BDNF: variants seen among roughly 807,000 people sequenced by gnomAD.
BDNF encodes the protein neurotrophic factor BDNF precursor form.
In BDNF, 1 loss-of-function variant was observed where a neutral mutation model predicts 19.5. The observed-to-expected ratio is 0.05, with a 90% CI of 0.02 to 0.24. The LOEUF (loss-of-function observed/expected upper bound fraction) is 0.24. Ranked by LOEUF, BDNF falls within the 10% of genes least tolerant of loss-of-function variation. The pLI, the probability that BDNF is intolerant of heterozygous loss-of-function variation, is 1.00. For synonymous variants in BDNF, 100 were observed against 121.6 expected, an observed-to-expected ratio of 0.82 and a Z score of 1.17; for missense variants, 195 against 317.6, an observed-to-expected ratio of 0.61 and a Z score of 2.93.
chr11:27,719,772 AG>A (rs1417432557), intron 1 of BDNF: 1 of 60,656 alleles, frequency 1.6e-5, no homozygotes, highest in Non-Finnish European at 3.3e-5. Context: ...GGAGGGAGGG[AG>A]GGGGAAAGAG....
rs1859759499 is a variant in BDNF at position 27,700,329 on chromosome 11, G to T, written c.-187C>A. ...AGCCCCCCGAGCAGGAGGTGGAGGG[G>T]CGCACCGGGCTGGCTCCTCTGTCCG... On this transcript the variant is annotated 5_prime_UTR_variant, in exon 1 of 2. Coordinates refer to ENST00000356660, the MANE Select transcript of BDNF (RefSeq NM_001709.5). 3.2e-5 allele frequency: 32 copies of T among 985,224 alleles called. No individual in the cohort carries two copies. The highest frequency in any genetic ancestry group is 3.7e-5 in the Non-Finnish European group (31 of 829,968). The allele number at this position is 985,224 out of a possible 1,614,324, so 61.0% of individuals were successfully genotyped here.
At chr11:27,694,337 T>C (rs1010405514) in intron 1 of BDNF, among the ~76,000 whole-genome samples, 23 of 152,188 alleles carry the variant, frequency 1.5e-4, no homozygotes, top group Non-Finnish European at 1.8e-4. Context: ...TTATTAAACC[T>C]TTTCCTCCAA....
At chr11:27,720,045 C>T (rs1262030264) in intron 1 of BDNF, among the ~76,000 whole-genome samples, 1 of 151,884 alleles carries the variant, frequency 6.6e-6, no homozygotes, top group African/African-American at 2.4e-5. Flanking sequence ...GCAAAGAGAA[C>T]GGAAAAGAGG....
At chr11:27,699,557 C>G in intron 1 of BDNF, 1 of 1,548,722 alleles carries the variant, frequency 6.5e-7, no homozygotes, top group Non-Finnish European at 8.7e-7. Flanking sequence ...TGTCGCAGAC[C>G]CTTTCAGTTC....
upstream of BDNF, chr11:27,700,539 C>T: frequency 1.4e-6 from 1 of 734,854 alleles, no homozygotes; most frequent in Non-Finnish European, 1.6e-6. Context: ...CCCCCGCCCC[C>T]CGCCCCCCGC....
chr11:27,673,338 G>T (rs943415891), intron 1 of BDNF, among the ~76,000 whole-genome samples: 23 of 152,014 alleles, frequency 1.5e-4, no homozygotes, highest in African/African-American at 5.3e-4. Context: ...AAGGATAAAG[G>T]GAATCCCCCT....
At chr11:27,687,879 C>T (rs540216955) in intron 1 of BDNF, among the ~76,000 whole-genome samples, 34 of 152,310 alleles carry the variant, frequency 2.2e-4, no homozygotes, top group African/African-American at 7.0e-4. Flanking sequence ...TCAGGAATCA[C>T]GAGGGTCAGG....
chr11:27,667,938 C>T (rs1174032724), intron 1 of BDNF, among the ~76,000 whole-genome samples: 2 of 152,242 alleles, frequency 1.3e-5, no homozygotes, highest in Non-Finnish European at 2.9e-5. Flanking sequence ...CTACAGAACT[C>T]TCCACTCCAA....
intron 1 of BDNF, among the ~76,000 whole-genome samples, chr11:27,716,120 G>A (rs1023490748): frequency 3.3e-5 from 5 of 152,020 alleles, no homozygotes; most frequent in Admixed American, 6.6e-5. Context: ...TATGAAACAC[G>A]TGTATCTTTC....
rs148736382 is a variant in BDNF at position 27,658,244 on chromosome 11, G to C, written c.321C>G (p.Leu107=). 201 of 1,613,960 alleles carry C rather than the reference G, an allele frequency of 1.2e-4. No individual in the cohort carries two copies. In the African/African-American group the frequency reaches 2.5e-3, roughly 20 times the overall value. The change falls in exon 2 of 2, where the codon CTC becomes CTG. Residue 107 remains leucine, a synonymous_variant. Transcript: ENST00000356660. The surrounding 1 kb of genome is among the most constrained non-coding windows in gnomAD (Gnocchi z 5.7). ...AATTTTTGTATTCCTCCAGCAGAAA[G>C]AGAAGAGGAGGCTCCAAAGGCACTT... ...SSQVPLEPPL[L]FLLEEYKNYL...
intron 1 of BDNF, among the ~76,000 whole-genome samples, chr11:27,662,656 G>C (rs2133821036): frequency 6.6e-6 from 1 of 152,318 alleles, no homozygotes; most frequent in East Asian, 1.9e-4. Context: ...ATTCTCATAA[G>C]GAGCACACAA....
intron 1 of BDNF, among the ~76,000 whole-genome samples, chr11:27,692,289 T>C (rs1452007431): frequency 6.6e-6 from 1 of 152,182 alleles, no homozygotes; most frequent in Non-Finnish European, 1.5e-5. Context: ...CAACCTCCCA[T>C]TTTAGTGTCA....
chr11:27,668,023 G>A (rs2133865050), intron 1 of BDNF, among the ~76,000 whole-genome samples: 1 of 152,214 alleles, frequency 6.6e-6, no homozygotes, highest in Admixed American at 6.5e-5. Context: ...TGGAAGTAAA[G>A]CACTCCTCAG....
At chr11:27,664,039 A>C (rs1367777420) in intron 1 of BDNF, among the ~76,000 whole-genome samples, 1 of 152,182 alleles carries the variant, frequency 6.6e-6, no homozygotes, top group Non-Finnish European at 1.5e-5. Flanking sequence ...TACAGAAAAA[A>C]AAAAAAGTCT....
In BDNF at chr11:27,656,965, A is replaced by T; in HGVS notation, c.*856T>A. 4.1e-6 allele frequency: 4 copies of T among 985,082 alleles called. No homozygotes were observed. The highest frequency in any genetic ancestry group is 4.8e-6 in the Non-Finnish European group (4 of 829,836). 61.0% of individuals were successfully genotyped at this position (985,082 alleles called of 1,614,324 possible). A position where few individuals can be genotyped will look rare whatever the true frequency, so the allele number is the denominator to read the frequency against. ...GAGGAGACCAGAGGGGGAGGGGGGG[A>T]AAGAATGTGTTCTGAGCAAACATAG... is the stretch of plus-strand genomic sequence containing the variant. On this transcript the variant is annotated 3_prime_UTR_variant, in exon 2 of 2. Coordinates refer to ENST00000356660, the MANE Select transcript of BDNF (RefSeq NM_001709.5).
chr11:27,699,243 T>A, intron 1 of BDNF: 231 of 803,756 alleles, frequency 2.9e-4, no homozygotes, highest in East Asian at 3.5e-4. Context: ...ACACAAACAC[T>A]GCATCCTCCA....
At chr11:27,673,028 G>A (rs1447819625) in intron 1 of BDNF, among the ~76,000 whole-genome samples, 1 of 152,080 alleles carries the variant, frequency 6.6e-6, no homozygotes, top group Non-Finnish European at 1.5e-5. Context: ...TTGCAAATGG[G>A]TGGGGCTGAG....
In BDNF at chr11:27,697,156, CACACACACAGAG is replaced by C. The variant is rs1859137462; in HGVS notation, c.-22+2996_-22+3007del. Among the ~76,000 whole-genome samples the C allele has an allele frequency of 4.3e-5, 3 of 69,336 alleles. No individual in the cohort carries two copies. In the South Asian group the frequency reaches 1.9e-3, roughly 45 times the overall value. 45.5% of individuals were successfully genotyped at this position (69,336 alleles called of 152,430 possible). A position where few individuals can be genotyped will look rare whatever the true frequency, so the allele number is the denominator to read the frequency against. The stretch of plus-strand genomic sequence containing the variant: ...GCGCACGTGCACGCACACACACACA[CACACACACAGAG>C]AGAGAGAGAGAGAGAGAGAGAGAGA... On this transcript the variant is annotated intron_variant, in intron 1 of 1. Transcript: ENST00000356660.
chr11:27,690,781 T>G (rs1211502306), intron 1 of BDNF, among the ~76,000 whole-genome samples: 1 of 152,152 alleles, frequency 6.6e-6, no homozygotes, highest in Non-Finnish European at 1.5e-5. Flanking sequence ...CAACTTCTAG[T>G]AAATGGAAGC....
Sources: allele counts gnomAD v4.1 joint callset (sites outside exome capture counted in the v4.1 genomes callset), GRCh38; gene constraint gnomAD v4.1.1; non-coding constraint Gnocchi (gnomAD v3.1); transcripts MANE v1.5; gene names NCBI Gene and HGNC (gene_info 2026-07-23, HGNC 2026-07-21).